Variants in SNX29 observed in about 807,000 individuals in gnomAD.
SNX29 encodes sorting nexin-29.
Under a neutral mutation model 102.1 loss-of-function variants are expected in SNX29, and 78 were observed. The ratio of observed to expected loss-of-function variants is 0.76; its 90% CI spans 0.64 to 0.92. The LOEUF is 0.92. SNX29 is among the 40% of genes least tolerant of loss of function. SNX29 has a pLI of 0.00. For synonymous variants in SNX29, 580 were observed against 414.5 expected (o/e 1.40, Z -4.85); for missense variants, 1,280 against 1,061.7 (o/e 1.21, Z -2.86).
chr16:12,543,532 T>G (rs572605377), intron 20 of SNX29, among the ~76,000 whole-genome samples: 1 of 152,146 alleles, frequency 6.6e-6, no homozygotes, highest in South Asian at 2.1e-4. Context: ...TGTGACACCT[T>G]TGGCCCAGAC....
chr16:12,544,536 G>A (rs1332771886), intron 20 of SNX29, among the ~76,000 whole-genome samples: 1 of 152,206 alleles, frequency 6.6e-6, no homozygotes, highest in East Asian at 1.9e-4. Context: ...TGTGGCCTAG[G>A]AACATTCTCT....
intron 14 of SNX29, among the ~76,000 whole-genome samples, chr16:12,256,369 T>G (rs2078573388): frequency 6.6e-6 from 1 of 152,158 alleles, no homozygotes; most frequent in Non-Finnish European, 1.5e-5. Context: ...TTTTTGGAGG[T>G]GGAGTCTCAT....
intron 18 of SNX29, among the ~76,000 whole-genome samples, chr16:12,424,221 G>C (rs1436263753): frequency 6.6e-6 from 1 of 152,234 alleles, no homozygotes; most frequent in Non-Finnish European, 1.5e-5. Flanking sequence ...AAAATGAAGA[G>C]CCCTTCAAGA....
intron 13 of SNX29, chr16:12,135,404 G>A: frequency 2.8e-6 from 2 of 723,544 alleles, no homozygotes; most frequent in Non-Finnish European, 4.1e-6. Context: ...CCAGAGGATG[G>A]CAGCCCACCC....
chr16:12,222,327 G>A (rs1266659520), intron 14 of SNX29, among the ~76,000 whole-genome samples: 5 of 152,168 alleles, frequency 3.3e-5, no homozygotes, highest in Non-Finnish European at 7.4e-5. Context: ...TCAAACAAGC[G>A]GGCTTGAAAT....
chr16:12,529,930 G>A (rs917957192), intron 20 of SNX29, among the ~76,000 whole-genome samples: 2 of 152,176 alleles, frequency 1.3e-5, no homozygotes, highest in African/African-American at 4.8e-5. Context: ...AGTCCTCAGC[G>A]TTACCCAGTT....
chr16:12,568,997 T>C lies in SNX29; in HGVS notation c.*368T>C, dbSNP rs143693192. The stretch of plus-strand genomic sequence containing the variant: ...GTTGAGAGGCAAAGGTGATCCCCTA[T>C]ATAGGAAGGTTCATGCAGAGCCAGC... On this transcript the variant is annotated 3_prime_UTR_variant, in exon 21 of 21. Transcript: ENST00000566228. 2.5e-4 allele frequency: 72 copies of C among 290,864 alleles called. No individual in the cohort carries two copies. The highest frequency in any genetic ancestry group is 1.4e-3 in the African/African-American group (67 of 46,734). The allele number at this position is 290,864 out of a possible 1,614,324, so 18.0% of individuals were successfully genotyped here.
At chr16:12,014,857 T>C (rs2056795691) in intron 3 of SNX29, among the ~76,000 whole-genome samples, 1 of 152,196 alleles carries the variant, frequency 6.6e-6, no homozygotes, top group Admixed American at 6.5e-5. Context: ...TATTTGTATG[T>C]ACCTTTCTGC....
intron 14 of SNX29, among the ~76,000 whole-genome samples, chr16:12,217,146 A>G (rs1434736510): frequency 6.6e-6 from 1 of 152,124 alleles, no homozygotes; most frequent in Non-Finnish European, 1.5e-5. Flanking sequence ...CTCCCATCTC[A>G]GCCTCTGAAG....
rs540640678 is a variant in SNX29, at chr16:12,295,811, T to A, written c.1782+17775T>A. Reference sequence around the variant, plus strand: ...ACTCCCTTCAAGTAGATTTTTTTTTTAATCCATTTTTAAGGTAGAGAAGGG... The same window carrying A: ...ACTCCCTTCAAGTAGATTTTTTTTTAAATCCATTTTTAAGGTAGAGAAGGG... On this transcript the variant is annotated intron_variant, in intron 15 of 20. Transcript: ENST00000566228. Among the ~76,000 whole-genome samples the A allele has an allele frequency of 3.9e-3, 588 of 152,280 alleles. 5 individuals are homozygous for A. The highest frequency in any genetic ancestry group is 0.013 in the African/African-American group (549 of 41,550).
Position 12,573,468 on chromosome 16 carries a change from G to A in SNX29, c.*4839G>A, listed in dbSNP as rs139480078. ...TGAGCCTATGACATTAAGGAGCAGCGCTGCTGGCGGAAGATTCTAGATTCA... is the reference window on the plus strand; with the variant it reads ...TGAGCCTATGACATTAAGGAGCAGCACTGCTGGCGGAAGATTCTAGATTCA... On this transcript the variant is annotated 3_prime_UTR_variant, in exon 21 of 21. Transcript: ENST00000566228. The A allele has an allele frequency of 1.3e-5, 3 of 224,240 alleles. No homozygotes were observed. The highest frequency in any genetic ancestry group is 6.5e-5 in the East Asian group (1 of 15,346). 13.9% of individuals were successfully genotyped at this position (224,240 alleles called of 1,614,324 possible).
chr16:12,569,534 C>T lies in SNX29; in HGVS notation c.*905C>T, dbSNP rs1167075255. ...AGGCTCCATGACTATGAAGTTGGAC[C>T]CAGTGTGGACACTTAACAGATCATG... On this transcript the variant is annotated 3_prime_UTR_variant, in exon 21 of 21. Coordinates refer to ENST00000566228, the MANE Select transcript of SNX29 (RefSeq NM_032167.5). The T allele has an allele frequency of 1.7e-5, 4 of 231,360 alleles. No homozygotes were observed. Among genetic ancestry groups the T allele is most frequent in the African/African-American group, 8.8e-5 (4 of 45,206 alleles). 14.3% of individuals were successfully genotyped at this position (231,360 alleles called of 1,614,324 possible). A position where few individuals can be genotyped will look rare whatever the true frequency, so the allele number is the denominator to read the frequency against.
chr16:12,520,238 G>C (rs562175201), intron 19 of SNX29, among the ~76,000 whole-genome samples: 3 of 152,288 alleles, frequency 2.0e-5, no homozygotes, highest in African/African-American at 7.2e-5. Flanking sequence ...CTGCACCCAG[G>C]TGTCAGGCTT....
intron 13 of SNX29, among the ~76,000 whole-genome samples, chr16:12,149,635 C>T (rs1220147113): frequency 6.6e-6 from 1 of 152,144 alleles, no homozygotes; most frequent in Non-Finnish European, 1.5e-5. Flanking sequence ...GGGCAAGTTA[C>T]TGTACCTCTG....
chr16:12,227,245 C>T (rs2077638777), intron 14 of SNX29, among the ~76,000 whole-genome samples: 1 of 152,214 alleles, frequency 6.6e-6, no homozygotes, highest in Non-Finnish European at 1.5e-5. Context: ...CCGATCATGA[C>T]CGTGTGGTTA....
intron 14 of SNX29, among the ~76,000 whole-genome samples, chr16:12,242,366 TA>T (rs1253946641): frequency 7.5e-6 from 1 of 133,594 alleles, no homozygotes; most frequent in Admixed American, 8.0e-5. Context: ...TATATATATA[TA>T]TTTTTTTTTT....
At chr16:12,480,346 T>C (rs769257159) in intron 19 of SNX29, among the ~76,000 whole-genome samples, 3 of 152,210 alleles carry the variant, frequency 2.0e-5, no homozygotes, top group Admixed American at 6.5e-5. Flanking sequence ...TTTTGCCTTA[T>C]GGCCTTCTGT....
rs1261159595 is a variant in SNX29, at chr16:12,568,728, C to T, written c.*99C>T. 1.1e-5 allele frequency: 17 copies of T among 1,500,472 alleles called. No homozygotes were observed. Among genetic ancestry groups the T allele is most frequent in the Admixed American group, 4.2e-5 (2 of 48,100 alleles). 92.9% of individuals were successfully genotyped at this position (1,500,472 alleles called of 1,614,324 possible). On this transcript the variant is annotated 3_prime_UTR_variant, in exon 21 of 21. Coordinates refer to ENST00000566228, the MANE Select transcript of SNX29 (RefSeq NM_032167.5). ...CTCACCTCAGCGTGACAACCACGTC[C>T]ACCTGGTGATCCTGAGAGCACACGA...
At chr16:12,495,043 C>T (rs2088748307) in intron 19 of SNX29, among the ~76,000 whole-genome samples, 1 of 152,234 alleles carries the variant, frequency 6.6e-6, no homozygotes. Flanking sequence ...CCCCTGAAGC[C>T]TTCAAGCTCT....
Sources: allele counts gnomAD v4.1 joint callset (sites outside exome capture counted in the v4.1 genomes callset), GRCh38; gene constraint gnomAD v4.1.1; transcripts MANE v1.5; gene names NCBI Gene and HGNC (gene_info 2026-07-23, HGNC 2026-07-21).